The following KIAA0586 variants were observed in gnomAD, a reference collection of about 807,000 sequenced individuals.
KIAA0586 encodes protein TALPID3.
In KIAA0586, 144 loss-of-function variants were observed where a neutral mutation model predicts 169.8. That is an observed-to-expected ratio of 0.85 (90% CI 0.74 to 0.97). KIAA0586 has a LOEUF of 0.97. KIAA0586 is among the 50% of genes least tolerant of loss of function. KIAA0586 has a pLI of 0.00. For synonymous variants in KIAA0586, 625 were observed against 612.4 expected, an observed-to-expected ratio of 1.02 and a Z score of -0.30; for missense variants, 1,854 against 1,823.0, an observed-to-expected ratio of 1.02 and a Z score of -0.31.
At chr14:58,542,370 A>G (rs1207917981) in intron 30 of KIAA0586, among the ~76,000 whole-genome samples, 2 of 152,002 alleles carry the variant, frequency 1.3e-5, no homozygotes, top group Non-Finnish European at 2.9e-5. Context: ...CAAGCTACTC[A>G]GGAGGCTGAG....
Position 58,449,131 on chromosome 14 carries a change from A to G in KIAA0586, c.961+638A>G, listed in dbSNP as rs377360014. On this transcript the variant is annotated intron_variant, in intron 7 of 30. Transcript: ENST00000652326. ...AGAAAATCGAGCTACTATCCCTTTA[A>G]TGATATACAGATCTATATAGTACAA... Among the ~76,000 whole-genome samples the G allele has an allele frequency of 2.6e-5, 4 of 152,364 alleles. 1 individual carries two copies.
chr14:58,514,318 T>A (rs1469608225), intron 29 of KIAA0586, among the ~76,000 whole-genome samples: 1 of 152,028 alleles, frequency 6.6e-6, no homozygotes, highest in Non-Finnish European at 1.5e-5. Context: ...TGGGTGACCT[T>A]GAAGGAATTC....
chr14:58,446,430 G>T (rs897889773), intron 6 of KIAA0586, among the ~76,000 whole-genome samples: 1 of 151,978 alleles, frequency 6.6e-6, no homozygotes, highest in Non-Finnish European at 1.5e-5. Flanking sequence ...CCGGAAGGCA[G>T]AGGTTGCAGT....
intron 29 of KIAA0586, among the ~76,000 whole-genome samples, chr14:58,519,147 A>C (rs1350745753): frequency 1.3e-5 from 2 of 152,194 alleles, no homozygotes; most frequent in African/African-American, 2.4e-5. Flanking sequence ...CAAAACCAAA[A>C]CAAAACAAAA....
intron 12 of KIAA0586, among the ~76,000 whole-genome samples, chr14:58,459,000 T>C (rs1037882959): frequency 1.3e-5 from 2 of 152,162 alleles, no homozygotes; most frequent in South Asian, 2.1e-4. Flanking sequence ...GCATGGTACA[T>C]CTTCAAACAT....
intron 4 of KIAA0586, among the ~76,000 whole-genome samples, chr14:58,437,462 G>A (rs1233424293): frequency 1.3e-5 from 2 of 152,082 alleles, no homozygotes; most frequent in Non-Finnish European, 2.9e-5. Flanking sequence ...TATAATCTCA[G>A]CACTTTGGGA....
chr14:58,507,093 GGCCATGATCAT>G (rs1422390049), intron 27 of KIAA0586, among the ~76,000 whole-genome samples: 29 of 150,484 alleles, frequency 1.9e-4, no homozygotes, highest in Middle Eastern at 3.5e-3. Context: ...GGATGCAGGG[GGCCATGATCAT>G]GCCATTGCAC....
intron 29 of KIAA0586, among the ~76,000 whole-genome samples, chr14:58,530,836 A>G (rs1378234912): frequency 3.9e-5 from 6 of 152,222 alleles, no homozygotes; most frequent in Non-Finnish European, 8.8e-5. Flanking sequence ...GTCAAAATAG[A>G]CAAATGGGAT....
At chr14:58,556,869 C>T in the KIAA0586 span, among the ~76,000 whole-genome samples, 1 of 152,148 alleles carries the variant, frequency 6.6e-6, no homozygotes, top group African/African-American at 2.4e-5. Context: ...CCTCAGCCTC[C>T]CTAGTAGCTG....
rs755740118 is a variant in KIAA0586 at position 58,543,744 on chromosome 14, A to T, written c.4495+3608A>T. 17 of 346,504 alleles carry T rather than the reference A, an allele frequency of 4.9e-5. No individual in the cohort carries two copies. The Admixed American group carries it at 5.4e-4, about 11-fold the overall frequency. The allele number at this position is 346,504 out of a possible 1,614,324, so 21.5% of individuals were successfully genotyped here. ...TATAAGTACTAAGTCTCCATCCAAA[A>T]TATCTTGACCCTATTTCCACTGCCA... On this transcript the variant is annotated intron_variant, in intron 30 of 30. Transcript: ENST00000652326.
In KIAA0586 at chr14:58,448,013, C is replaced by G. The variant is rs528739539; in HGVS notation, c.808-327C>G. ...TCAAGTAGAGGTTTAGGGTGAGGGC[C>G]TCTCCTTCCTGGTCTTCTCTTAGCC... On this transcript the variant is annotated intron_variant, in intron 6 of 30. Transcript: ENST00000652326. Among the ~76,000 whole-genome samples the G allele has an allele frequency of 1.1e-3, 173 of 151,992 alleles. 1 individual carries two copies. The highest frequency in any genetic ancestry group is 1.3e-3 in the Non-Finnish European group (90 of 68,004).
intron 4 of KIAA0586, chr14:58,439,906 C>T (rs2038155799): frequency 1.3e-6 from 1 of 791,470 alleles, no homozygotes; most frequent in African/African-American, 1.9e-5. Flanking sequence ...TCAGTGGTTC[C>T]TTTCATTGTT....
chr14:58,470,139 T>A (rs897415794), intron 16 of KIAA0586, among the ~76,000 whole-genome samples: 1 of 151,790 alleles, frequency 6.6e-6, no homozygotes, highest in Non-Finnish European at 1.5e-5. Flanking sequence ...ATATATATAA[T>A]AGTGGAAAAA....
intron 26 of KIAA0586, among the ~76,000 whole-genome samples, chr14:58,498,128 G>A (rs1010230415): frequency 2.6e-5 from 4 of 152,026 alleles, no homozygotes; most frequent in Non-Finnish European, 5.9e-5. Context: ...CCGCCGCCTC[G>A]GCCTCCCAAA....
At chr14:58,451,470 GC>G (rs1399133964) in intron 8 of KIAA0586, among the ~76,000 whole-genome samples, 1 of 151,768 alleles carries the variant, frequency 6.6e-6, no homozygotes, top group Non-Finnish European at 1.5e-5. Flanking sequence ...CAAGCGATCT[GC>G]CCGCCTCAGC....
At chr14:58,530,778 A>G (rs1176239554) in intron 29 of KIAA0586, among the ~76,000 whole-genome samples, 1 of 152,250 alleles carries the variant, frequency 6.6e-6, no homozygotes, top group Admixed American at 6.5e-5. Context: ...GGACATAGGC[A>G]TGGGCAAAGA....
chr14:58,490,144 T>A lies in KIAA0586; in HGVS notation c.3782-20T>A, dbSNP rs2042740371. 8.6e-7 allele frequency: 1 copy of A among 1,159,738 alleles called. No individual in the cohort carries two copies. Among genetic ancestry groups the A allele is most frequent in the Middle Eastern group, 1.9e-4 (1 of 5,160 alleles). The allele number at this position is 1,159,738 out of a possible 1,614,324, so 71.8% of individuals were successfully genotyped here. ...TTGTGTTTCTTTTTTTTTTCTAAACTTTTATATTTTAATTTCTAGTTTTAG... is the reference window on the plus strand; with the variant it reads ...TTGTGTTTCTTTTTTTTTTCTAAACATTTATATTTTAATTTCTAGTTTTAG... On this transcript the variant is annotated intron_variant, in intron 24 of 30. Coordinates refer to ENST00000652326, the MANE Select transcript of KIAA0586 (RefSeq NM_001329943.3).
At chr14:58,473,198 A>G (rs1320973095) in intron 18 of KIAA0586, among the ~76,000 whole-genome samples, 8 of 151,920 alleles carry the variant, frequency 5.3e-5, no homozygotes, top group Non-Finnish European at 1.0e-4. Flanking sequence ...AGAGAGACCC[A>G]AAGTGTTTTT....
At position 58,432,410 on chromosome 14, in the gene KIAA0586, G is replaced by A. The variant is rs368352741; in HGVS notation, c.363G>A (p.Gln121=). The A allele has an allele frequency of 1.9e-5, 30 of 1,563,800 alleles. No individual in the cohort carries two copies. Among genetic ancestry groups the A allele is most frequent in the Middle Eastern group, 3.3e-4 (2 of 5,986 alleles). ...CAGCAAATGACATCTTCATTTCTCA[G>A]TATACAATGGGACAGAAAGATGCTC... ...KQKANDIFIS[Q]YTMGQKDALR... Residue 121 remains glutamine, a synonymous_variant, in exon 4 of 31, where the codon CAG becomes CAA. Transcript: ENST00000652326.
Sources: gnomAD v4.1 joint callset for allele counts (sites outside exome capture counted in the v4.1 genomes callset) on GRCh38, gnomAD v4.1.1 for gene constraint, MANE v1.5 for transcripts, NCBI Gene and HGNC (gene_info 2026-07-23, HGNC 2026-07-21) for gene names.